Variants in KAZN observed in about 807,000 individuals in gnomAD.
KAZN encodes kazrin.
In KAZN, 40 loss-of-function variants were observed where a neutral mutation model predicts 87.4. The observed-to-expected ratio is 0.46, with a 90% CI of 0.36 to 0.60. The LOEUF (loss-of-function observed/expected upper bound fraction) is 0.60. Among genes scored for constraint, KAZN ranks in the 20% least tolerant of loss-of-function variants. The pLI is 0.00. For synonymous variants in KAZN, 466 were observed against 458.3 expected (o/e 1.02, Z -0.22); for missense variants, 898 against 1,073.9 (o/e 0.84, Z 2.29).
At chr1:14,120,835 G>A (rs1644737138) in intron 1 of KAZN, among the ~76,000 whole-genome samples, 1 of 152,190 alleles carries the variant, frequency 6.6e-6, no homozygotes, top group South Asian at 2.1e-4. Flanking sequence ...GACTTAGGGA[G>A]AATTTGATGT....
intron 1 of KAZN, among the ~76,000 whole-genome samples, chr1:14,943,131 C>T (rs540916003): frequency 6.0e-5 from 9 of 149,118 alleles, no homozygotes; most frequent in East Asian, 2.0e-4. Flanking sequence ...TCCTTAGAGG[C>T]GGCATGCAGA....
rs190768404 is a variant in KAZN, at chr1:14,180,618, C to G, written c.249+26C>G. Reference sequence around the variant, plus strand: ...GTACAAAGATCAATACAGAAATTCTCTATGGAGAAGGTGGAATCTTTTTTT... The same window carrying G: ...GTACAAAGATCAATACAGAAATTCTGTATGGAGAAGGTGGAATCTTTTTTT... On this transcript the variant is annotated intron_variant, in intron 2 of 16. Transcript: ENST00000636203. The G allele has an allele frequency of 5.3e-5, 81 of 1,529,320 alleles. No individual in the cohort carries two copies. The East Asian group carries it at 1.9e-3, about 36-fold the overall frequency. 94.7% of individuals were successfully genotyped at this position (1,529,320 alleles called of 1,614,324 possible).
chr1:14,898,390 G>A (rs1655492245), intron 1 of KAZN, among the ~76,000 whole-genome samples: 1 of 152,166 alleles, frequency 6.6e-6, no homozygotes, highest in African/African-American at 2.4e-5. Context: ...CCTTTCTCAG[G>A]AGTGGCTGTG....
chr1:14,487,456 G>T (rs1378346831), intron 2 of KAZN, among the ~76,000 whole-genome samples: 2 of 152,096 alleles, frequency 1.3e-5, no homozygotes, highest in East Asian at 3.9e-4. Context: ...ACACCCCAAA[G>T]TCACCAATGT....
At chr1:14,738,681 T>C (rs959092634) in intron 1 of KAZN, among the ~76,000 whole-genome samples, 1 of 152,186 alleles carries the variant, frequency 6.6e-6, no homozygotes, top group Middle Eastern at 3.4e-3. Context: ...CCCCGGGAAC[T>C]GTGTACAAGG....
chr1:13,993,219 G>A (rs1162718348), intron 1 of KAZN, among the ~76,000 whole-genome samples: 1 of 152,178 alleles, frequency 6.6e-6, no homozygotes, highest in Non-Finnish European at 1.5e-5. Context: ...CACAGTGAAG[G>A]TAGCACTGCA....
chr1:14,918,425 C>T (rs1030239697), intron 1 of KAZN, among the ~76,000 whole-genome samples: 4 of 151,962 alleles, frequency 2.6e-5, no homozygotes, highest in Admixed American at 6.6e-5. Context: ...CCTGTAACCC[C>T]AGCAATTTGG....
At chr1:14,382,475 C>G (rs1175508433) in intron 2 of KAZN, among the ~76,000 whole-genome samples, 1 of 95,586 alleles carries the variant, frequency 1.0e-5, no homozygotes, top group Admixed American at 1.1e-4. Context: ...CCCCTCCCCC[C>G]ACCCCACAAC....
chr1:14,274,444 T>C (rs1275686085), intron 2 of KAZN, among the ~76,000 whole-genome samples: 3 of 152,194 alleles, frequency 2.0e-5, no homozygotes, highest in Admixed American at 6.5e-5. Context: ...CCCCATGATA[T>C]GGCAAAATGG....
rs574240393 is a variant in KAZN, at chr1:14,962,564, C to G, written c.418+1689C>G. Reference sequence around the variant, plus strand: ...TCCATTCTCCTTCTCAGGATGGAGACCCAAGTCTCGGGAATCTCCCACAAG... The same window carrying G: ...TCCATTCTCCTTCTCAGGATGGAGAGCCAAGTCTCGGGAATCTCCCACAAG... On this transcript the variant is annotated intron_variant, in intron 2 of 14. Transcript: ENST00000376030. Among the ~76,000 whole-genome samples the G allele has an allele frequency of 2.0e-5, 3 of 152,312 alleles. No homozygotes were observed. In the South Asian group the frequency reaches 6.2e-4, roughly 32 times the overall value.
At chr1:14,887,879 G>A (rs968059473) in intron 1 of KAZN, among the ~76,000 whole-genome samples, 4 of 151,688 alleles carry the variant, frequency 2.6e-5, no homozygotes, top group Non-Finnish European at 4.4e-5. Flanking sequence ...TCTCTCTCTC[G>A]TTATGTTTCA....
chr1:14,486,919 T>C (rs186211777), intron 2 of KAZN, among the ~76,000 whole-genome samples: 2 of 152,340 alleles, frequency 1.3e-5, no homozygotes, highest in East Asian at 1.9e-4. Context: ...TCTTTTTATC[T>C]GAAGCAATTA....
chr1:14,502,296 A>G (rs1249164450), intron 2 of KAZN, among the ~76,000 whole-genome samples: 1 of 152,134 alleles, frequency 6.6e-6, no homozygotes, highest in Non-Finnish European at 1.5e-5. Context: ...TGATATCTTC[A>G]TTCATTTATT....
At chr1:13,931,553 A>T (rs1032836947) in intron 1 of KAZN, among the ~76,000 whole-genome samples, 1 of 151,932 alleles carries the variant, frequency 6.6e-6, no homozygotes, top group Non-Finnish European at 1.5e-5. Context: ...AGCATCACAG[A>T]CTCAGGGAAG....
chr1:14,493,979 G>A (rs149655527), intron 2 of KAZN, among the ~76,000 whole-genome samples: 10 of 152,090 alleles, frequency 6.6e-5, no homozygotes, highest in Non-Finnish European at 1.0e-4. Context: ...TTCTCTCCTA[G>A]GATGTTCTAT....
intron 2 of KAZN, among the ~76,000 whole-genome samples, chr1:14,472,500 C>CT (rs1668507715): frequency 6.6e-6 from 1 of 152,162 alleles, no homozygotes; most frequent in African/African-American, 2.4e-5. Context: ...CAGGGCCTTT[C>CT]TTTTTTATCT....
At chr1:13,929,621 G>A (rs897621294) in intron 1 of KAZN, among the ~76,000 whole-genome samples, 2 of 152,248 alleles carry the variant, frequency 1.3e-5, no homozygotes, top group South Asian at 4.1e-4. Context: ...GTTAATAAAG[G>A]GATCACATGA....
At chr1:14,203,951 C>T (rs1334058102) in intron 2 of KAZN, among the ~76,000 whole-genome samples, 1 of 152,216 alleles carries the variant, frequency 6.6e-6, no homozygotes, top group Non-Finnish European at 1.5e-5. Flanking sequence ...CCTGCACTGC[C>T]TCCACAACAG....
intron 2 of KAZN, among the ~76,000 whole-genome samples, chr1:14,977,917 G>A (rs546949263): frequency 7.0e-6 from 1 of 142,044 alleles, no homozygotes; most frequent in South Asian, 2.2e-4. Flanking sequence ...TTTTGAGGTG[G>A]AGTTTCGCTC....
Sources: allele counts gnomAD v4.1 joint callset (sites outside exome capture counted in the v4.1 genomes callset), GRCh38; gene constraint gnomAD v4.1.1; transcripts MANE v1.5; gene names NCBI Gene and HGNC (gene_info 2026-07-23, HGNC 2026-07-21).